MTUS1: variants seen among roughly 807,000 people sequenced by gnomAD.
The protein encoded by MTUS1 is microtubule associated scaffold protein 1, also known as microtubule-associated tumor suppressor 1.
A neutral mutation model predicts 120.8 loss-of-function variants in MTUS1; 109 were observed. The observed-to-expected ratio is 0.90, with a 90% CI of 0.77 to 1.06. The LOEUF (loss-of-function observed/expected upper bound fraction) is 1.06. Ranked by LOEUF, MTUS1 falls within the 50% of genes least tolerant of loss-of-function variation. MTUS1 has a pLI of 0.00. For synonymous variants in MTUS1, 737 were observed against 550.5 expected (o/e 1.34, Z -4.74); for missense variants, 2,210 against 1,486.3 (o/e 1.49, Z -8.01).
At chr8:17,796,152 T>G (rs1174052383) in intron 1 of MTUS1, among the ~76,000 whole-genome samples, 1 of 74,714 alleles carries the variant, frequency 1.3e-5, no homozygotes, top group African/African-American at 5.1e-5. Context: ...GGTTTCACTA[T>G]GTTGGCCAGG....
chr8:17,676,644 C>T, intron 7 of MTUS1: 1 of 372,074 alleles, frequency 2.7e-6, no homozygotes. Context: ...ATATCAGCTG[C>T]AACGGAGGAA....
At chr8:17,787,120 G>A (rs1013725980) in intron 1 of MTUS1, among the ~76,000 whole-genome samples, 1 of 152,170 alleles carries the variant, frequency 6.6e-6, no homozygotes. Flanking sequence ...TCCAAGGACT[G>A]CCAAGGAGGG....
intron 1 of MTUS1, among the ~76,000 whole-genome samples, chr8:17,794,917 G>C (rs556600449): frequency 3.3e-5 from 5 of 152,200 alleles, no homozygotes; most frequent in Admixed American, 2.0e-4. Context: ...TGTTTTACGA[G>C]GACATGCAGT....
chr8:17,743,404 A>C (rs964623142), intron 3 of MTUS1, among the ~76,000 whole-genome samples, 200 bp downstream of exon 3: 2 of 152,090 alleles, frequency 1.3e-5, no homozygotes, highest in African/African-American at 2.4e-5. Flanking sequence ...ATACACCTAT[A>C]CCTCTCTCCT....
chr8:17,647,121 A>G, intron 13 of MTUS1, 42 bp from the exon 14 acceptor site: 1 of 1,515,954 alleles, frequency 6.6e-7, no homozygotes, highest in Non-Finnish European at 9.0e-7. Context: ...CAATATTAAA[A>G]AAAAAACCCC....
At chr8:17,708,968 T>G (rs1263637175) in intron 6 of MTUS1, 2 of 152,094 alleles carry the variant, frequency 1.3e-5, no homozygotes, top group Non-Finnish European at 2.9e-5. Flanking sequence ...AAACCCCATC[T>G]CTAGTAAAAA....
chr8:17,646,152 G>C lies in MTUS1; in HGVS notation c.3600-13C>G. ...CGTGGAAAGCTGCCTTGAAGAAAAA[G>C]GCCAGAAACCATGAGATCTATGTAA... On this transcript the variant is annotated splice_polypyrimidine_tract_variant and intron_variant, in intron 14 of 14. Coordinates refer to ENST00000693296, the MANE Select transcript of MTUS1 (RefSeq NM_001363059.2). The C allele has an allele frequency of 3.1e-6, 5 of 1,592,044 alleles. No homozygotes were observed. Among genetic ancestry groups the C allele is most frequent in the African/African-American group, 1.4e-5 (1 of 73,476 alleles).
chr8:17,729,233 GACAA>G (rs1440652628), intron 3 of MTUS1, among the ~76,000 whole-genome samples: 1 of 152,086 alleles, frequency 6.6e-6, no homozygotes, highest in East Asian at 1.9e-4. Context: ...ACTTAAAAGT[GACAA>G]ACAAGTTAAC....
chr8:17,762,562 G>C (rs2049126792), intron 1 of MTUS1, among the ~76,000 whole-genome samples: 1 of 152,114 alleles, frequency 6.6e-6, no homozygotes, highest in South Asian at 2.1e-4. Context: ...AGGAGTACTT[G>C]GTGGTCAATT....
chr8:17,743,678 C>T lies in MTUS1; in HGVS notation c.2213G>A (p.Arg738Gln), dbSNP rs562816563. The change falls in exon 3 of 15, where the codon CGG becomes CAG. Residue 738 changes from arginine to glutamine, a missense_variant. Physicochemically the swap from Arg to Gln is conservative, Grantham distance 43 (BLOSUM62 1). Transcript: ENST00000693296. Reference protein sequence around the residue: ...KVGPPVSCLRRNSDNRNPSAD... With the variant: ...KVGPPVSCLRQNSDNRNPSAD... ...ACTGGGATTTCTATTGTCACTGTTC[C>T]GCCTCAAACAGGAAACAGGGGGCCC... 3.5e-5 allele frequency: 57 copies of T among 1,614,144 alleles called. No homozygotes were observed. The highest frequency in any genetic ancestry group is 2.7e-4 in the South Asian group (25 of 91,080).
chr8:17,697,923 G>A (rs1363602046), intron 6 of MTUS1, among the ~76,000 whole-genome samples: 1 of 152,072 alleles, frequency 6.6e-6, no homozygotes, highest in Non-Finnish European at 1.5e-5. Context: ...ATGATAACAT[G>A]AGCATTTTTT....
At chr8:17,700,281 C>CA (rs1432294313) in intron 6 of MTUS1, among the ~76,000 whole-genome samples, 6 of 151,746 alleles carry the variant, frequency 4.0e-5, no homozygotes, top group African/African-American at 1.5e-4. Flanking sequence ...CCAGCCTGGC[C>CA]AACATGGTGA....
intron 8 of MTUS1, among the ~76,000 whole-genome samples, chr8:17,663,314 T>G (rs1391162906): frequency 2.6e-5 from 4 of 152,190 alleles, no homozygotes; most frequent in Admixed American, 2.6e-4. Flanking sequence ...CATTTCCCTT[T>G]GTTGATTGAT....
chr8:17,680,470 A>C (rs904244149), intron 7 of MTUS1, among the ~76,000 whole-genome samples: 3,363 of 37,374 alleles, frequency 0.09, 260 homozygotes, highest in South Asian at 0.22. Context: ...GTCGCAAAAA[A>C]AAAAAAAAAA....
At chr8:17,711,371 C>A (rs2937896) in intron 6 of MTUS1, among the ~76,000 whole-genome samples, 102,908 of 152,102 alleles carry the variant, frequency 0.68, 35,850 homozygotes, top group Non-Finnish European at 0.78. Flanking sequence ...GCTTCTACAT[C>A]AGCACTTGCT....
At chr8:17,659,187 C>T (rs1809130619) in intron 8 of MTUS1, among the ~76,000 whole-genome samples, 2 of 152,028 alleles carry the variant, frequency 1.3e-5, no homozygotes, top group South Asian at 2.1e-4. Context: ...ACCCAAAGCC[C>T]GTGCCCCTTC....
rs760577389 is a variant in MTUS1 at position 17,755,835 on chromosome 8, A to G, written c.-28T>C. The G allele has an allele frequency of 6.3e-7, 1 of 1,576,848 alleles. No homozygotes were observed. The highest frequency in any genetic ancestry group is 2.2e-5 in the East Asian group (1 of 44,500). ...TGAATAGTAACCTTAAACCTCTGCC[A>G]TTTTATTTCTTCTTCAATTCCTTTT... On this transcript the variant is annotated 5_prime_UTR_variant, in exon 2 of 15. An upstream start codon of the reference 5' UTR is lost. Transcript: ENST00000693296.
chr8:17,656,089 G>C (rs1585433569), intron 8 of MTUS1, 24 bp from the exon 9 acceptor site: 3 of 1,606,778 alleles, frequency 1.9e-6, no homozygotes, highest in Non-Finnish European at 2.6e-6. Flanking sequence ...AGAAAGAAGA[G>C]GGAAGAGGTC....
At chr8:17,707,902 C>T (rs1237844694) in intron 6 of MTUS1, among the ~76,000 whole-genome samples, 4 of 152,096 alleles carry the variant, frequency 2.6e-5, no homozygotes, top group Non-Finnish European at 4.4e-5. Flanking sequence ...CCTGGATGTC[C>T]ATGTGCAAAA....
Sources: allele counts gnomAD v4.1 joint callset (sites outside exome capture counted in the v4.1 genomes callset), GRCh38; gene constraint gnomAD v4.1.1; transcripts MANE v1.5; gene names NCBI Gene and HGNC (gene_info 2026-07-23, HGNC 2026-07-21).